BLTP3A: variants seen among roughly 807,000 people sequenced by gnomAD.
The protein encoded by BLTP3A is ICBP90 binding protein 1.
At chr6:34,855,629 A>C in the BLTP3A span, 2 of 1,613,594 alleles carry the variant, frequency 1.2e-6, no homozygotes, top group South Asian at 2.2e-5. Flanking sequence ...GTCTCTGCCA[A>C]CAGACTCATG....
chr6:34,805,479 G>A, the BLTP3A span, among the ~76,000 whole-genome samples: 1 of 151,598 alleles, frequency 6.6e-6, no homozygotes, highest in Admixed American at 6.6e-5. Flanking sequence ...TGTAATCCTA[G>A]CTACTTGGGA....
the BLTP3A span, among the ~76,000 whole-genome samples, chr6:34,805,735 CAAAAAAAAAA>C: frequency 2.7e-5 from 2 of 73,722 alleles, no homozygotes; most frequent in African/African-American, 5.0e-5. Context: ...GACCCTATCT[CAAAAAAAAAA>C]AAAAAAAAAA....
At chr6:34,850,529 G>T in the BLTP3A span, among the ~76,000 whole-genome samples, 1 of 152,066 alleles carries the variant, frequency 6.6e-6, no homozygotes, top group East Asian at 1.9e-4. Context: ...GATCTTGTAG[G>T]TATGCTTCAT....
the BLTP3A span, among the ~76,000 whole-genome samples, chr6:34,867,852 C>T: frequency 6.6e-6 from 1 of 152,144 alleles, no homozygotes; most frequent in African/African-American, 2.4e-5. Context: ...TCCAGGTACT[C>T]CTGGAGCTTA....
the BLTP3A span, among the ~76,000 whole-genome samples, chr6:34,807,264 G>A: frequency 1.3e-5 from 2 of 152,298 alleles, no homozygotes; most frequent in Admixed American, 1.3e-4. Flanking sequence ...CAGGACTAGT[G>A]TAGGGAAAGA....
the BLTP3A span, among the ~76,000 whole-genome samples, chr6:34,840,078 T>C: frequency 1.3e-5 from 2 of 152,242 alleles, no homozygotes; most frequent in Non-Finnish European, 2.9e-5. Context: ...GGTGGAGTTA[T>C]ATGCCTGTGC....
chr6:34,871,034 TG>T, the BLTP3A span: 12 of 1,614,002 alleles, frequency 7.4e-6, no homozygotes, highest in Non-Finnish European at 1.0e-5. Context: ...CTCAGTGGCC[TG>T]GGGCCCTTCT....
At chr6:34,837,765 G>GT in the BLTP3A span, among the ~76,000 whole-genome samples, 32,723 of 152,090 alleles carry the variant, frequency 0.22, 4,248 homozygotes, top group African/African-American at 0.36. Context: ...TGCAAAGATT[G>GT]TTTTTGCCAC....
the BLTP3A span, among the ~76,000 whole-genome samples, chr6:34,833,683 C>G: frequency 6.6e-6 from 1 of 151,964 alleles, no homozygotes; most frequent in Non-Finnish European, 1.5e-5. Flanking sequence ...AATCCTAGCA[C>G]TTTGGGTGGC....
the BLTP3A span, chr6:34,872,431 A>C: frequency 1.9e-6 from 3 of 1,608,586 alleles, no homozygotes; most frequent in Non-Finnish European, 2.5e-6. Context: ...CCCTTCTTTG[A>C]GCTCTGAAAC....
At chr6:34,875,451 C>T in the BLTP3A span, 1 of 152,304 alleles carries the variant, frequency 6.6e-6, no homozygotes, top group Non-Finnish European at 1.5e-5. Flanking sequence ...CCTCACCCAC[C>T]ATATACCTCT....
chr6:34,860,725 A>G, the BLTP3A span, among the ~76,000 whole-genome samples: 3 of 152,214 alleles, frequency 2.0e-5, no homozygotes, highest in African/African-American at 7.2e-5. Context: ...AGAAACTTGC[A>G]CAAGATCACA....
chr6:34,871,159 G>T, the BLTP3A span: 10 of 1,579,712 alleles, frequency 6.3e-6, no homozygotes, highest in Non-Finnish European at 8.6e-6. Flanking sequence ...GGGCACATTG[G>T]TTTTTGCCCT....
At chr6:34,867,113 C>G in the BLTP3A span, 107 of 1,185,312 alleles carry the variant, frequency 9.0e-5, 1 homozygote, top group Non-Finnish European at 4.0e-5. Flanking sequence ...CTAGTTGTCT[C>G]ATGAATGTCA....
At chr6:34,873,215 A>T in the BLTP3A span, 1 of 152,166 alleles carries the variant, frequency 6.6e-6, no homozygotes, top group Non-Finnish European at 1.5e-5. Context: ...ACGCTGAGCT[A>T]GGTTGGTGGC....
the BLTP3A span, among the ~76,000 whole-genome samples, chr6:34,820,958 CTGTT>C: frequency 4.9e-5 from 7 of 141,746 alleles, no homozygotes; most frequent in Non-Finnish European, 1.1e-4. Context: ...GGCCCTCTGT[CTGTT>C]TTTTTTTTTT....
chr6:34,812,027 A>C, the BLTP3A span, among the ~76,000 whole-genome samples: 3 of 151,876 alleles, frequency 2.0e-5, no homozygotes, highest in Non-Finnish European at 4.4e-5. Context: ...TCTAGCTCTT[A>C]AAAAAAGAAA....
the BLTP3A span, among the ~76,000 whole-genome samples, chr6:34,865,952 T>A: frequency 6.6e-6 from 1 of 152,254 alleles, no homozygotes; most frequent in African/African-American, 2.4e-5. Flanking sequence ...GGCTCACGCC[T>A]GTAATCCCAG....
the BLTP3A span, among the ~76,000 whole-genome samples, chr6:34,846,064 C>T: frequency 7.1e-6 from 1 of 139,912 alleles, no homozygotes; most frequent in Non-Finnish European, 1.5e-5. Context: ...TTTGTGTCCA[C>T]TTCCATTTCT....
Sources: gnomAD v4.1 joint callset for allele counts (sites outside exome capture counted in the v4.1 genomes callset) on GRCh38, gnomAD v4.1.1 for gene constraint, MANE v1.5 for transcripts, NCBI Gene and HGNC (gene_info 2026-07-23, HGNC 2026-07-21) for gene names.